The following CLCN5 variants were observed in gnomAD, a reference collection of about 807,000 sequenced individuals.
CLCN5 encodes Cl-/H+ antiporter 5.
CLCN5 carries 17 observed loss-of-function variants against 54.0 expected under a neutral mutation model. That is an observed-to-expected ratio of 0.31 (90% CI 0.22 to 0.47). The LOEUF (loss-of-function observed/expected upper bound fraction) is 0.47. Among genes scored for constraint, CLCN5 ranks in the 20% least tolerant of loss-of-function variants. The pLI, the probability that CLCN5 is intolerant of heterozygous loss-of-function variation, is 1.00. For missense variants in CLCN5, 448 were observed against 646.7 expected, an observed-to-expected ratio of 0.69 and a Z score of 3.33; for synonymous variants, 222 against 233.0, an observed-to-expected ratio of 0.95 and a Z score of 0.43.
intron 6 of CLCN5, among the ~76,000 whole-genome samples, chrX:50,073,809 G>A (rs1031436607): frequency 4.5e-5 from 5 of 111,912 alleles, no homozygotes; most frequent in African/African-American, 1.6e-4. Context: ...GATGTGGCAC[G>A]AAAGCAGCCA....
intron 3 of CLCN5, among the ~76,000 whole-genome samples, chrX:49,945,604 GTT>G (rs1162822439): frequency 0.011 from 761 of 71,050 alleles, 5 homozygotes; most frequent in African/African-American, 0.039. Context: ...CGCCCAGCTA[GTT>G]TTTTTTTTTT....
At chrX:49,969,788 T>A (rs1227394525) in intron 3 of CLCN5, among the ~76,000 whole-genome samples, 1 of 112,150 alleles carries the variant, frequency 8.9e-6, no homozygotes, top group Non-Finnish European at 1.9e-5. Flanking sequence ...TCAAATTGTT[T>A]GCCAGTATTT....
At chrX:49,935,211 C>G (rs923676690) in intron 3 of CLCN5, among the ~76,000 whole-genome samples, 4 of 112,049 alleles carry the variant, frequency 3.6e-5, no homozygotes, top group African/African-American at 1.3e-4. Flanking sequence ...CTTGCTCCCC[C>G]TTACCTGCAG....
At chrX:50,004,629 C>T (rs1237874702) in intron 3 of CLCN5, among the ~76,000 whole-genome samples, 11 of 111,548 alleles carry the variant, frequency 9.9e-5, no homozygotes, top group Non-Finnish European at 1.9e-4. Flanking sequence ...AATTACCATC[C>T]AGGCACAGGG....
At chrX:50,075,614 G>A (rs1688090959) in intron 6 of CLCN5, among the ~76,000 whole-genome samples, 181 bp from the exon 7 acceptor site, 1 of 111,333 alleles carries the variant, frequency 9.0e-6, no homozygotes, top group African/African-American at 3.3e-5. Context: ...GAGATAATAA[G>A]TGAAAATCAA....
At chrX:50,031,669 A>G (rs1313835794) in intron 3 of CLCN5, among the ~76,000 whole-genome samples, 1 of 110,770 alleles carries the variant, frequency 9.0e-6, no homozygotes, top group Non-Finnish European at 1.9e-5. Flanking sequence ...GTATTGTGAC[A>G]TTTAAATAAA....
chrX:49,998,902 C>T (rs1290459388), intron 3 of CLCN5, among the ~76,000 whole-genome samples: 9 of 111,313 alleles, frequency 8.1e-5, no homozygotes, highest in East Asian at 2.8e-4. Flanking sequence ...ATGTGTTCAC[C>T]CTCCCATTTG....
rs144069987 is a variant in CLCN5, at chrX:49,944,832, C to T, written c.16+19518C>T. Among the ~76,000 whole-genome samples the T allele has an allele frequency of 1.5e-3, 163 of 111,414 alleles. 2 individuals carry two copies. In the East Asian group the frequency reaches 0.041, roughly 28 times the overall value. On this transcript the variant is annotated intron_variant, in intron 3 of 14. Transcript: ENST00000376091. ...AGTATTTTATTGAGGAGTTTTGCAT[C>T]GATGCTCATCAGGGATATTGGTCTA...
chrX:50,038,372 A>G (rs1442929308), intron 3 of CLCN5, among the ~76,000 whole-genome samples: 3 of 111,735 alleles, frequency 2.7e-5, no homozygotes, highest in Non-Finnish European at 5.6e-5. Flanking sequence ...GACCTGGAAG[A>G]TATCACTTTT....
At chrX:50,019,259 T>A (rs782088836) in intron 3 of CLCN5, among the ~76,000 whole-genome samples, 1 of 110,879 alleles carries the variant, frequency 9.0e-6, no homozygotes, top group South Asian at 3.8e-4. Flanking sequence ...ATTATCTTTT[T>A]AATGACCATA....
chrX:50,061,942 C>T (rs1176540429), intron 4 of CLCN5, among the ~76,000 whole-genome samples: 4 of 71,361 alleles, frequency 5.6e-5, no homozygotes, highest in East Asian at 4.4e-4. Flanking sequence ...AAATACTTTA[C>T]AGACAAGCAA....
At chrX:50,066,388 A>C (rs1288192981) in intron 4 of CLCN5, among the ~76,000 whole-genome samples, 1 of 111,495 alleles carries the variant, frequency 9.0e-6, no homozygotes, top group African/African-American at 3.3e-5. Context: ...TACAGGTCCC[A>C]TGCAGTGCCT....
At chrX:50,058,954 T>C (rs1188973143) in intron 4 of CLCN5, among the ~76,000 whole-genome samples, 1 of 112,191 alleles carries the variant, frequency 8.9e-6, no homozygotes, top group Non-Finnish European at 1.9e-5. Flanking sequence ...AGCTTAGCTC[T>C]TAATGCATTG....
chrX:49,976,299 T>A (rs1928479906), intron 3 of CLCN5, among the ~76,000 whole-genome samples: 1 of 112,369 alleles, frequency 8.9e-6, no homozygotes, highest in South Asian at 3.7e-4. Context: ...GAACTGCTCC[T>A]AAAGTGAAAA....
chrX:50,058,493 A>T lies in CLCN5; in HGVS notation c.164-11386A>T, dbSNP rs930127434. 6.3e-5 allele frequency among the ~76,000 whole-genome samples: 7 copies of T among 111,493 alleles called. No individual in the cohort carries two copies. The South Asian group carries it at 2.6e-3, about 42-fold the overall frequency. On this transcript the variant is annotated intron_variant, in intron 4 of 14. Transcript: ENST00000376091. ...CATCATGTGATTTTTAGAAAAAAAA[A>T]TTAGACAGTGATTTCCATAATGAGA... is the stretch of plus-strand genomic sequence containing the variant.
intron 4 of CLCN5, among the ~76,000 whole-genome samples, chrX:50,058,991 G>T (rs1557189485): frequency 9.0e-6 from 1 of 111,212 alleles, no homozygotes; most frequent in South Asian, 3.8e-4. Flanking sequence ...TTTGCATTTT[G>T]TTACTTTGTG....
intron 3 of CLCN5, among the ~76,000 whole-genome samples, chrX:49,990,434 T>C (rs1451888678): frequency 2.0e-5 from 2 of 102,227 alleles, no homozygotes; most frequent in African/African-American, 7.0e-5. Flanking sequence ...CCAAAGTCCA[T>C]TGTATCCTTC....
intron 3 of CLCN5, among the ~76,000 whole-genome samples, chrX:49,951,556 TAC>T (rs1232619209): frequency 8.9e-6 from 1 of 112,201 alleles, no homozygotes; most frequent in Non-Finnish European, 1.9e-5. Flanking sequence ...AAAGAACATG[TAC>T]ACACACAACT....
intron 3 of CLCN5, among the ~76,000 whole-genome samples, chrX:49,930,487 T>C (rs1374157339): frequency 4.5e-5 from 5 of 111,874 alleles, no homozygotes; most frequent in African/African-American, 1.6e-4. Flanking sequence ...ATATGGTAAT[T>C]ACCAAAAATG....
Sources: gnomAD v4.1 joint callset for allele counts (sites outside exome capture counted in the v4.1 genomes callset) on GRCh38, gnomAD v4.1.1 for gene constraint, MANE v1.5 for transcripts, NCBI Gene and HGNC (gene_info 2026-07-23, HGNC 2026-07-21) for gene names.